NBPF9: variants seen among roughly 807,000 people sequenced by gnomAD.
The protein encoded by NBPF9 is NBPF member 9, also known as NBPF family member NBPF9.
A neutral mutation model predicts 97.8 loss-of-function variants in NBPF9; 91 were observed. That is an observed-to-expected ratio of 0.93 (90% CI 0.79 to 1.11). NBPF9 has a LOEUF of 1.11. Ranked by LOEUF, NBPF9 falls within the 50% of genes least tolerant of loss-of-function variation. The pLI, the probability that NBPF9 is intolerant of heterozygous loss-of-function variation, is 0.00. For synonymous variants in NBPF9, 334 were observed against 359.5 expected (o/e 0.93, Z 0.80); for missense variants, 992 against 939.5 (o/e 1.06, Z -0.73).
chr1:149,064,085 A>T (rs1430361070), intron 19 of NBPF9, among the ~76,000 whole-genome samples: 1 of 138,042 alleles, frequency 7.2e-6, no homozygotes, highest in Non-Finnish European at 1.6e-5. Flanking sequence ...TGAGGGAGTC[A>T]AAGGACACTC....
At chr1:149,076,955 T>A (rs1205705290) in intron 11 of NBPF9, among the ~76,000 whole-genome samples, 2 of 151,264 alleles carry the variant, frequency 1.3e-5, no homozygotes, top group African/African-American at 4.8e-5. Flanking sequence ...GCACCATGCC[T>A]GCCTAATTTT....
At chr1:149,062,196 C>G (rs782752529) in exon 22 of NBPF9, 1 of 1,005,278 alleles carries the variant, frequency 9.9e-7, no homozygotes, top group Non-Finnish European at 1.6e-6. Flanking sequence ...CTGAAGGAGT[C>G]GAATACCATC....
chr1:149,070,955 C>T, exon 16 of NBPF9: 1 of 1,612,762 alleles, frequency 6.2e-7, no homozygotes, highest in East Asian at 2.2e-5. Flanking sequence ...TGTACAGCAT[C>T]TTCCCGTTCA....
At chr1:149,098,340 G>A (rs1333141708) in intron 4 of NBPF9, 98 bp downstream of exon 4, 9 of 646,324 alleles carry the variant, frequency 1.4e-5, no homozygotes, top group African/African-American at 1.4e-4. Flanking sequence ...AAGGCCCTGC[G>A]ATGTTTAGGG....
chr1:149,062,313 C>A, intron 21 of NBPF9, 48 bp from the exon 22 acceptor site: 1 of 619,526 alleles, frequency 1.6e-6, no homozygotes, highest in Non-Finnish European at 2.9e-6. Context: ...GAATCAGAAA[C>A]CACACAGCCC....
intron 4 of NBPF9, among the ~76,000 whole-genome samples, chr1:149,095,820 G>C (rs4067420): frequency 6.6e-6 from 1 of 151,952 alleles, no homozygotes; most frequent in Non-Finnish European, 1.5e-5. Flanking sequence ...TGTCGAAGAT[G>C]AGGAACAACC....
At chr1:149,089,599 G>A (rs587750823) in intron 5 of NBPF9, among the ~76,000 whole-genome samples, 257 of 151,902 alleles carry the variant, frequency 1.7e-3, no homozygotes, top group Non-Finnish European at 2.7e-3. Flanking sequence ...AGGAGGGGAT[G>A]TTATGGGGAA....
At chr1:149,080,439 T>G (rs1293109041) in intron 7 of NBPF9, among the ~76,000 whole-genome samples, 10 of 151,072 alleles carry the variant, frequency 6.6e-5, no homozygotes. Context: ...CCCTGAGGTC[T>G]GACTCTGAAT....
Position 149,088,793 on chromosome 1 carries a change from C to T in NBPF9, c.-195+1960G>A, listed in dbSNP as rs1386239974. Among the ~76,000 whole-genome samples the T allele has an allele frequency of 1.3e-3, 204 of 152,120 alleles. 1 individual carries two copies. Among genetic ancestry groups the T allele is most frequent in the African/African-American group, 3.4e-3 (139 of 41,466 alleles). The stretch of plus-strand genomic sequence containing the variant: ...CAGCACTTTGGGAGGCTGAGGCAGG[C>T]GGATCACACTTGTGGCAGCATTGAA... On this transcript the variant is annotated intron_variant, in intron 5 of 29. Transcript: ENST00000584027.
At chr1:149,065,929 G>A (rs1332107841) in intron 17 of NBPF9, 14 of 615,196 alleles carry the variant, frequency 2.3e-5, no homozygotes, top group Non-Finnish European at 3.7e-5. Context: ...GCCAACTCAG[G>A]GCACCCAGAC....
At chr1:149,078,789 C>A (rs1440416405) in intron 9 of NBPF9, among the ~76,000 whole-genome samples, 1 of 142,640 alleles carries the variant, frequency 7.0e-6, no homozygotes, top group Non-Finnish European at 1.5e-5. Context: ...CCAAAGACCA[C>A]CTTCCATCAA....
rs1553651964 is a variant in NBPF9 at position 149,067,310 on chromosome 1, A to G, written c.1638-1621T>C. Reference sequence around the variant, plus strand: ...TTATTTTTTGTGTGTATGTGTATATATATATATATATTTTTAATACTTTAA... The same window carrying G: ...TTATTTTTTGTGTGTATGTGTATATGTATATATATATTTTTAATACTTTAA... On this transcript the variant is annotated intron_variant, in intron 17 of 29. Coordinates refer to ENST00000584027, the Ensembl canonical transcript of NBPF9. Among the ~76,000 whole-genome samples the G allele has an allele frequency of 1.7e-5, 2 of 118,444 alleles. 1 individual carries two copies. The highest frequency in any genetic ancestry group is 1.7e-4 in the Admixed American group (2 of 11,988). 77.7% of individuals were successfully genotyped at this position (118,444 alleles called of 152,430 possible).
exon 22 of NBPF9, chr1:149,062,193 A>T (rs2078649787): frequency 8.1e-6 from 8 of 987,940 alleles, no homozygotes; most frequent in Non-Finnish European, 1.3e-5. Context: ...AACCTGAAGG[A>T]GTCGAATACC....
chr1:149,055,665 G>A (rs1553648621), exon 30 of NBPF9: 2 of 1,611,888 alleles, frequency 1.2e-6, no homozygotes, highest in Admixed American at 1.7e-5. Flanking sequence ...CTTATTGTGG[G>A]AATATGACTT....
Position 149,059,745 on chromosome 1 carries a change from C to T in NBPF9, c.2540G>A (p.Arg847Lys). Residue 847 changes from arginine to lysine, a missense_variant, in exon 25 of 30, where the codon AGG becomes AAG. By Grantham distance (26) the Arg-to-Lys change is conservative. Around this residue, in one of 11 missense-constraint regions of NBPF9, gnomAD observed 397 missense variants for 213.6 expected, o/e 1.86. Transcript: ENST00000584027. ...ATTTTCTTCCCCTTCTTTTCTTCCC[C>T]TTCTTCTTTTCTTCTTTGATCTTCT... 3 of 588,928 alleles carry T rather than the reference C, an allele frequency of 5.1e-6. 1 individual carries two copies. Among genetic ancestry groups the T allele is most frequent in the Non-Finnish European group, 3.0e-6 (1 of 338,954 alleles). The allele number at this position is 588,928 out of a possible 1,614,324, so 36.5% of individuals were successfully genotyped here. A position where few individuals can be genotyped will look rare whatever the true frequency, so the allele number is the denominator to read the frequency against.
intron 3 of NBPF9, among the ~76,000 whole-genome samples, chr1:149,100,651 C>CAGCCGGGTCTA (rs1553663078): frequency 6.7e-6 from 1 of 149,498 alleles, no homozygotes; most frequent in Non-Finnish European, 1.5e-5. Flanking sequence ...AAGTGAATCA[C>CAGCCGGGTCTA]AGCCGGGTGG....
In NBPF9 at chr1:149,061,402, G is replaced by C. The variant is rs1356755344; in HGVS notation, c.2252-19C>G. 1 of 389,722 alleles carries C rather than the reference G, an allele frequency of 2.6e-6. No individual in the cohort carries two copies. The highest frequency in any genetic ancestry group is 4.5e-6 in the Non-Finnish European group (1 of 220,378). The allele number at this position is 389,722 out of a possible 1,614,324, so 24.1% of individuals were successfully genotyped here. A position where few individuals can be genotyped will look rare whatever the true frequency, so the allele number is the denominator to read the frequency against. On this transcript the variant is annotated intron_variant, in intron 22 of 29. Transcript: ENST00000584027. ...TTAATTCCTGCAATACATTCAGACA[G>C]GGACAGACAAAATAAGCCAATTCAC...
At chr1:149,059,876 C>A in intron 24 of NBPF9, 68 bp from the exon 25 acceptor site, 1 of 504,076 alleles carries the variant, frequency 2.0e-6, no homozygotes, top group Non-Finnish European at 3.6e-6. Flanking sequence ...AATCCACTGT[C>A]TAATCCTCAC....
At chr1:149,097,014 C>G (rs1553661807) in intron 4 of NBPF9, among the ~76,000 whole-genome samples, 1 of 132,438 alleles carries the variant, frequency 7.6e-6, no homozygotes, top group African/African-American at 2.9e-5. Flanking sequence ...ACATGAGAGA[C>G]AAAGAAAAAG....
Sources: gnomAD v4.1 joint callset for allele counts (sites outside exome capture counted in the v4.1 genomes callset) on GRCh38, gnomAD v4.1.1 for gene constraint, gnomAD v4.1.1 regional missense constraint, MANE v1.5 for transcripts, NCBI Gene and HGNC (gene_info 2026-07-23, HGNC 2026-07-21) for gene names.